Variants in GNG12 observed in about 807,000 individuals in gnomAD.
GNG12 encodes guanine nucleotide-binding protein G(I)/G(S)/G(O) subunit gamma-12.
For missense variants in GNG12, 69 were observed against 83.8 expected (o/e 0.82, Z 0.69); for synonymous variants, 28 against 29.7 (o/e 0.94, Z 0.19).
In GNG12 at chr1:67,707,749, T is replaced by C; in HGVS notation, c.-26-37A>G. ...TTTTTTTAAAGACAAGTAACAGGCA[T>C]CTTTAAGTTATTTAAACATTCATAA... is the stretch of plus-strand genomic sequence containing the variant. On this transcript the variant is annotated intron_variant, in intron 2 of 3. Transcript: ENST00000370982. The C allele has an allele frequency of 3.0e-6, 3 of 995,776 alleles. No individual in the cohort carries two copies. The South Asian group carries it at 4.3e-5, about 14-fold the overall frequency. The allele number at this position is 995,776 out of a possible 1,614,324, so 61.7% of individuals were successfully genotyped here. A position where few individuals can be genotyped will look rare whatever the true frequency, so the allele number is the denominator to read the frequency against.
chr1:67,772,252 ACTC>A lies in GNG12; in HGVS notation c.-27+5203_-27+5205del, dbSNP rs568220808. 1.5e-3 allele frequency among the ~76,000 whole-genome samples: 229 copies of A among 152,288 alleles called. 1 individual carries two copies. Among genetic ancestry groups the A allele is most frequent in the African/African-American group, 5.2e-3 (215 of 41,564 alleles). ...ATTCATAGTCTCCAGATTAAGAACTACTCCTGTAGATCCTGGGGATTCAACATG... is the reference window on the plus strand; with the variant it reads ...ATTCATAGTCTCCAGATTAAGAACTACTGTAGATCCTGGGGATTCAACATG... On this transcript the variant is annotated intron_variant, in intron 2 of 3. Coordinates refer to ENST00000370982, the MANE Select transcript of GNG12 (RefSeq NM_018841.6).
At chr1:67,742,486 G>C (rs1327534225) in intron 2 of GNG12, among the ~76,000 whole-genome samples, 1 of 152,076 alleles carries the variant, frequency 6.6e-6, no homozygotes, top group Non-Finnish European at 1.5e-5. Context: ...CTCTGTGGCA[G>C]GCACTGTGCT....
intron 1 of GNG12, among the ~76,000 whole-genome samples, chr1:67,820,492 C>T (rs1482700991): frequency 1.3e-5 from 2 of 152,108 alleles, no homozygotes; most frequent in African/African-American, 4.8e-5. Flanking sequence ...ACGAGAGAGA[C>T]AACACAGGGC....
At position 67,801,936 on chromosome 1, in the gene GNG12, G is replaced by C. The variant is rs189367016; in HGVS notation, c.-76-24429C>G. 8.7e-5 allele frequency among the ~76,000 whole-genome samples: 13 copies of C among 148,706 alleles called. No homozygotes were observed. The Admixed American group carries it at 8.8e-4, about 10-fold the overall frequency. On this transcript the variant is annotated intron_variant, in intron 1 of 3. Transcript: ENST00000370982. ...AAAAGGGAGGAAGGAAGGGAAGGGG[G>C]AAGGAAAAAAGAAGGAAGGGGGGTG... is the stretch of plus-strand genomic sequence containing the variant.
intron 2 of GNG12, among the ~76,000 whole-genome samples, chr1:67,748,889 A>G (rs752448610): frequency 2.0e-5 from 3 of 151,908 alleles, no homozygotes; most frequent in Admixed American, 6.6e-5. Flanking sequence ...TCTCCCACTC[A>G]TTACCACGCA....
chr1:67,824,086 C>T (rs1488197284), intron 1 of GNG12, among the ~76,000 whole-genome samples: 2 of 152,112 alleles, frequency 1.3e-5, no homozygotes, highest in African/African-American at 4.8e-5. Flanking sequence ...ATTAAAATAC[C>T]ATATATTCTT....
At chr1:67,763,661 T>C (rs980186365) in intron 2 of GNG12, among the ~76,000 whole-genome samples, 1 of 152,014 alleles carries the variant, frequency 6.6e-6, no homozygotes, top group Non-Finnish European at 1.5e-5. Flanking sequence ...GCCTCCAGGG[T>C]AGCTGGGACT....
At chr1:67,820,167 T>C (rs1351270101) in intron 1 of GNG12, among the ~76,000 whole-genome samples, 1 of 151,308 alleles carries the variant, frequency 6.6e-6, no homozygotes, top group Non-Finnish European at 1.5e-5. Flanking sequence ...GGTGGGCGGA[T>C]CATCTGAGGT....
chr1:67,811,014 G>A (rs1030007283), intron 1 of GNG12, among the ~76,000 whole-genome samples: 7 of 152,144 alleles, frequency 4.6e-5, no homozygotes, highest in African/African-American at 1.7e-4. Flanking sequence ...CTGGAAACTG[G>A]TTAAAAATGC....
intron 1 of GNG12, among the ~76,000 whole-genome samples, chr1:67,825,108 T>G (rs766834292): frequency 2.2e-4 from 33 of 152,232 alleles, no homozygotes; most frequent in Non-Finnish European, 3.7e-4. Context: ...ACAGAGATAT[T>G]CCTTGAAAAC....
chr1:67,826,360 G>A (rs1395930063), intron 1 of GNG12, among the ~76,000 whole-genome samples: 4 of 152,232 alleles, frequency 2.6e-5, no homozygotes. Context: ...TTGTTTAGCA[G>A]ATGTGAGCCT....
intron 2 of GNG12, among the ~76,000 whole-genome samples, chr1:67,768,303 G>A (rs1646653441): frequency 6.6e-6 from 1 of 152,178 alleles, no homozygotes; most frequent in Non-Finnish European, 1.5e-5. Context: ...TAGATTTGAG[G>A]CTGGGCAGGT....
intron 2 of GNG12, among the ~76,000 whole-genome samples, chr1:67,740,155 C>T (rs1646474633): frequency 6.6e-6 from 1 of 152,078 alleles, no homozygotes; most frequent in South Asian, 2.1e-4. Flanking sequence ...TAGTTTTACC[C>T]GTGCTACTCA....
At chr1:67,805,494 A>C (rs1646889904) in intron 1 of GNG12, among the ~76,000 whole-genome samples, 1 of 152,218 alleles carries the variant, frequency 6.6e-6, no homozygotes, top group African/African-American at 2.4e-5. Flanking sequence ...GGAAATTCTA[A>C]GAATTTTAAA....
intron 2 of GNG12, among the ~76,000 whole-genome samples, chr1:67,739,243 C>T (rs1264997724): frequency 6.6e-6 from 1 of 152,148 alleles, no homozygotes; most frequent in African/African-American, 2.4e-5. Flanking sequence ...ATCTCTGGAT[C>T]CCACCCTGTA....
intron 2 of GNG12, among the ~76,000 whole-genome samples, chr1:67,710,637 A>T (rs1646289689): frequency 6.6e-6 from 1 of 152,124 alleles, no homozygotes; most frequent in African/African-American, 2.4e-5. Flanking sequence ...TAGTACATGA[A>T]GGTCTTTCTT....
At chr1:67,814,250 G>A (rs1270108876) in intron 1 of GNG12, among the ~76,000 whole-genome samples, 2 of 152,180 alleles carry the variant, frequency 1.3e-5, no homozygotes, top group Non-Finnish European at 2.9e-5. Context: ...CTTCTACACT[G>A]CCAGCCATGA....
intron 2 of GNG12, among the ~76,000 whole-genome samples, chr1:67,722,795 G>C (rs1445102107): frequency 6.6e-6 from 1 of 152,216 alleles, no homozygotes; most frequent in Non-Finnish European, 1.5e-5. Context: ...ATGGGAGACA[G>C]TGAAAGACAA....
At chr1:67,821,633 C>T (rs1430552314) in intron 1 of GNG12, among the ~76,000 whole-genome samples, 1 of 152,222 alleles carries the variant, frequency 6.6e-6, no homozygotes, top group Non-Finnish European at 1.5e-5. Context: ...CAAGCCCACC[C>T]TCACTTTCAA....
Sources: gnomAD v4.1 joint callset for allele counts (sites outside exome capture counted in the v4.1 genomes callset) on GRCh38, gnomAD v4.1.1 for gene constraint, MANE v1.5 for transcripts, NCBI Gene and HGNC (gene_info 2026-07-23, HGNC 2026-07-21) for gene names.